The following CREB5 variants were observed in gnomAD, a reference collection of about 807,000 sequenced individuals.
The protein encoded by CREB5 is cyclic AMP-responsive element-binding protein 5.
Under a neutral mutation model 57.1 loss-of-function variants are expected in CREB5, and 19 were observed. The ratio of observed to expected loss-of-function variants is 0.33; its 90% CI spans 0.23 to 0.49. CREB5 has a LOEUF of 0.49. Among genes scored for constraint, CREB5 ranks in the 20% least tolerant of loss-of-function variants. The pLI, the probability that CREB5 is intolerant of heterozygous loss-of-function variation, is 0.99. For missense variants in CREB5, 579 were observed against 671.6 expected, an observed-to-expected ratio of 0.86 and a Z score of 1.52; for synonymous variants, 238 against 238.3, an observed-to-expected ratio of 1.00 and a Z score of 0.01.
intron 7 of CREB5, among the ~76,000 whole-genome samples, chr7:28,791,059 C>T (rs894320629): frequency 3.3e-5 from 5 of 152,150 alleles, no homozygotes; most frequent in African/African-American, 1.2e-4. Flanking sequence ...ACATCAAATC[C>T]ACACCAAATC....
chr7:28,783,926 C>T (rs1305289307), intron 7 of CREB5, among the ~76,000 whole-genome samples: 6 of 152,188 alleles, frequency 3.9e-5, no homozygotes, highest in Admixed American at 3.3e-4. Flanking sequence ...GGACAGAGTG[C>T]CGATACACTG....
Position 28,300,349 on chromosome 7 carries a change from C to T in CREB5, c.-25+908C>T, listed in dbSNP as rs188686038. Among the ~76,000 whole-genome samples the T allele has an allele frequency of 1.6e-3, 238 of 152,188 alleles. 1 individual carries two copies. The highest frequency in any genetic ancestry group is 2.6e-3 in the Non-Finnish European group (175 of 68,018). ...AGGAGTTTTGATTACATTTATATGC[C>T]GTCAAGGCAGCTTGGTGAAAAATGA... On this transcript the variant is annotated intron_variant, in intron 1 of 9. Transcript: ENST00000396299.
chr7:28,802,279 G>A (rs187923268), intron 7 of CREB5, among the ~76,000 whole-genome samples: 133 of 151,886 alleles, frequency 8.8e-4, no homozygotes, highest in East Asian at 3.9e-4. Flanking sequence ...AATGATGACC[G>A]CATATTAACA....
At chr7:28,596,875 C>A (rs1367867630) in intron 5 of CREB5, among the ~76,000 whole-genome samples, 2 of 152,096 alleles carry the variant, frequency 1.3e-5, no homozygotes, top group Non-Finnish European at 2.9e-5. Flanking sequence ...TAGTGATTTT[C>A]AATAGTGGGA....
At chr7:28,798,411 G>A (rs1344749117) in intron 7 of CREB5, among the ~76,000 whole-genome samples, 2 of 152,070 alleles carry the variant, frequency 1.3e-5, no homozygotes, top group East Asian at 1.9e-4. Context: ...ACTCACGCAG[G>A]CACACAAGCA....
chr7:28,573,187 G>T (rs1229885767), intron 5 of CREB5, among the ~76,000 whole-genome samples: 1 of 152,162 alleles, frequency 6.6e-6, no homozygotes, highest in African/African-American at 2.4e-5. Context: ...AAGAGGAAAT[G>T]AGTACTTATT....
intron 5 of CREB5, among the ~76,000 whole-genome samples, chr7:28,581,842 A>G (rs1259159461): frequency 2.6e-5 from 4 of 152,192 alleles, no homozygotes; most frequent in South Asian, 2.1e-4. Flanking sequence ...TGGGTAATCA[A>G]TGCCCTGTCT....
chr7:28,545,014 A>T (rs160370), intron 4 of CREB5, among the ~76,000 whole-genome samples: 135,034 of 152,190 alleles, frequency 0.89, 59,965 homozygotes, highest in South Asian at 0.96. Context: ...GCCATGGGGA[A>T]GGTAGGAAGA....
At chr7:28,521,715 A>T (rs1793215202) in intron 4 of CREB5, among the ~76,000 whole-genome samples, 2 of 152,092 alleles carry the variant, frequency 1.3e-5, no homozygotes, top group African/African-American at 2.4e-5. Context: ...TCTTCAAACC[A>T]CTTCCATGGT....
At chr7:28,688,830 G>A (rs1465754923) in intron 5 of CREB5, among the ~76,000 whole-genome samples, 1 of 152,060 alleles carries the variant, frequency 6.6e-6, no homozygotes, top group Non-Finnish European at 1.5e-5. Context: ...TGTATGCTTG[G>A]GACTCTTCAG....
At chr7:28,380,782 A>G (rs1444266972) in intron 1 of CREB5, among the ~76,000 whole-genome samples, 2 of 152,158 alleles carry the variant, frequency 1.3e-5, no homozygotes, top group African/African-American at 2.4e-5. Flanking sequence ...TGGCCCACAT[A>G]ATTTTTTTGA....
chr7:28,674,601 T>A (rs1178642127), intron 5 of CREB5, among the ~76,000 whole-genome samples: 1 of 152,186 alleles, frequency 6.6e-6, no homozygotes, highest in Non-Finnish European at 1.5e-5. Flanking sequence ...GATGTTCCTG[T>A]CCCTCTGTTC....
chr7:28,415,238 A>G (rs1295368351), intron 1 of CREB5, among the ~76,000 whole-genome samples: 1 of 152,152 alleles, frequency 6.6e-6, no homozygotes, highest in Non-Finnish European at 1.5e-5. Context: ...TTATGGCTTT[A>G]CACGGATGGT....
At chr7:28,636,665 C>A (rs1798431853) in intron 5 of CREB5, among the ~76,000 whole-genome samples, 1 of 152,130 alleles carries the variant, frequency 6.6e-6, no homozygotes, top group African/African-American at 2.4e-5. Flanking sequence ...TAGACTTTTC[C>A]CTTTCAATCA....
chr7:28,655,893 T>A (rs1480567935), intron 5 of CREB5, among the ~76,000 whole-genome samples: 2 of 152,154 alleles, frequency 1.3e-5, no homozygotes, highest in Non-Finnish European at 2.9e-5. Context: ...TCAACTGAGC[T>A]TTGTGCAGAG....
chr7:28,338,804 T>C (rs1343503143), intron 1 of CREB5, among the ~76,000 whole-genome samples: 1 of 152,092 alleles, frequency 6.6e-6, no homozygotes, highest in East Asian at 1.9e-4. Context: ...GCTTCATTCT[T>C]TTCTATTGTT....
At chr7:28,692,072 G>C (rs1801298931) in intron 5 of CREB5, among the ~76,000 whole-genome samples, 1 of 151,176 alleles carries the variant, frequency 6.6e-6, no homozygotes, top group South Asian at 2.1e-4. Context: ...CGTAGTCCCA[G>C]CTACTTAGGA....
chr7:28,495,668 A>G (rs1792009922), intron 3 of CREB5, among the ~76,000 whole-genome samples: 1 of 152,228 alleles, frequency 6.6e-6, no homozygotes, highest in South Asian at 2.1e-4. Context: ...GTCCTCAAGG[A>G]TATCACAATA....
chr7:28,353,771 A>G (rs1362454988), intron 1 of CREB5, among the ~76,000 whole-genome samples: 1 of 151,164 alleles, frequency 6.6e-6, no homozygotes, highest in African/African-American at 2.4e-5. Flanking sequence ...TGAACCCAGG[A>G]GGCGGAGCTT....
Sources: gnomAD v4.1 joint callset for allele counts (sites outside exome capture counted in the v4.1 genomes callset) on GRCh38, gnomAD v4.1.1 for gene constraint, MANE v1.5 for transcripts, NCBI Gene and HGNC (gene_info 2026-07-23, HGNC 2026-07-21) for gene names.